KIAA1217: variants seen among roughly 807,000 people sequenced by gnomAD.
KIAA1217 encodes the protein sickle tail protein homolog.
KIAA1217 carries 88 observed loss-of-function variants against 163.9 expected under a neutral mutation model. The ratio of observed to expected loss-of-function variants is 0.54; its 90% CI spans 0.45 to 0.64. The LOEUF (loss-of-function observed/expected upper bound fraction) is 0.64, where lower values mean the gene tolerates loss of function less well. Ranked by LOEUF, KIAA1217 falls within the 30% of genes least tolerant of loss-of-function variation. KIAA1217 has a pLI of 0.00. For synonymous variants in KIAA1217, 903 were observed against 923.1 expected (o/e 0.98, Z 0.39); for missense variants, 2,372 against 2,475.0 (o/e 0.96, Z 0.88).
At chr10:24,226,016 G>A (rs1564857462) in intron 2 of KIAA1217, among the ~76,000 whole-genome samples, 1 of 152,168 alleles carries the variant, frequency 6.6e-6, no homozygotes. Context: ...AGAATTCAAT[G>A]ATTGATTGCA....
intron 2 of KIAA1217, among the ~76,000 whole-genome samples, chr10:24,328,492 GTTTTTATGTTTT>G (rs1454717224): frequency 1.4e-5 from 1 of 70,786 alleles, no homozygotes; most frequent in Non-Finnish European, 2.6e-5. Context: ...GGGGCGATCA[GTTTTTATGTTTT>G]TTTTTTTCAA....
chr10:24,040,661 G>T (rs991445859), intron 2 of KIAA1217, among the ~76,000 whole-genome samples: 10 of 152,138 alleles, frequency 6.6e-5, no homozygotes, highest in South Asian at 2.1e-4. Flanking sequence ...AATATTAAGG[G>T]TTTACTCCCA....
chr10:23,716,689 C>T (rs980832456), intron 1 of KIAA1217, among the ~76,000 whole-genome samples: 3 of 152,126 alleles, frequency 2.0e-5, no homozygotes, highest in African/African-American at 7.2e-5. Context: ...AAAGCTGGTC[C>T]ACCTTACTAG....
At chr10:24,168,468 A>T (rs1443133344) in intron 2 of KIAA1217, among the ~76,000 whole-genome samples, 1 of 152,172 alleles carries the variant, frequency 6.6e-6, no homozygotes, top group African/African-American at 2.4e-5. Flanking sequence ...CCAGCAGAAC[A>T]TTTCCTCTGT....
In KIAA1217 at chr10:24,293,072, T is replaced by A. The variant is rs551743258; in HGVS notation, c.354+73163T>A. On this transcript the variant is annotated intron_variant, in intron 2 of 20. Coordinates refer to ENST00000376454, the MANE Select transcript of KIAA1217 (RefSeq NM_019590.5). The stretch of plus-strand genomic sequence containing the variant: ...TTTGTTTTGTTTCTGAGACAGACTC[T>A]CCCTCTGTCGCCCAGCCAGGAGTAC... Among the ~76,000 whole-genome samples the A allele has an allele frequency of 1.2e-3, 178 of 152,248 alleles. 1 individual carries two copies. The highest frequency in any genetic ancestry group is 4.2e-3 in the African/African-American group (175 of 41,544).
chr10:23,997,361 A>C (rs1846533379), intron 1 of KIAA1217, among the ~76,000 whole-genome samples: 1 of 152,222 alleles, frequency 6.6e-6, no homozygotes, highest in Non-Finnish European at 1.5e-5. Flanking sequence ...TTAATTTTTT[A>C]ATTGCTTGGG....
At chr10:24,116,428 G>A (rs943195316) in intron 2 of KIAA1217, among the ~76,000 whole-genome samples, 11 of 152,098 alleles carry the variant, frequency 7.2e-5, no homozygotes, top group African/African-American at 1.2e-4. Flanking sequence ...CAACTCTGCC[G>A]TTGTGGCAGG....
At chr10:23,854,500 G>A (rs1839538762) in intron 1 of KIAA1217, among the ~76,000 whole-genome samples, 1 of 152,132 alleles carries the variant, frequency 6.6e-6, no homozygotes, top group South Asian at 2.1e-4. Context: ...GTTGATGTGG[G>A]GTGGAGAGTT....
chr10:24,518,697 T>C (rs2086584980), intron 10 of KIAA1217, among the ~76,000 whole-genome samples: 1 of 152,172 alleles, frequency 6.6e-6, no homozygotes, highest in African/African-American at 2.4e-5. Flanking sequence ...AGTTACCATA[T>C]TTATTTAGAG....
Position 23,878,501 on chromosome 10 carries a change from G to A in KIAA1217, c.-320-128724G>A, listed in dbSNP as rs375161034. 3.9e-5 allele frequency among the ~76,000 whole-genome samples: 6 copies of A among 152,018 alleles called. No individual in the cohort carries two copies. In the East Asian group the frequency reaches 7.8e-4, roughly 20 times the overall value. On this transcript the variant is annotated intron_variant, in intron 1 of 18. Transcript: ENST00000376462. ...TTCGAGGTTCTATTTCAGATGGGAA[G>A]CCCTCTTGAGCCTGTATTTTGAGAG...
intron 2 of KIAA1217, among the ~76,000 whole-genome samples, chr10:24,371,002 C>T (rs952980165): frequency 2.0e-5 from 3 of 152,204 alleles, no homozygotes; most frequent in East Asian, 3.9e-4. Context: ...TGGAACTTAC[C>T]GATGATCTAA....
chr10:23,887,245 A>T (rs1841218583), intron 1 of KIAA1217, among the ~76,000 whole-genome samples: 1 of 151,934 alleles, frequency 6.6e-6, no homozygotes, highest in Non-Finnish European at 1.5e-5. Context: ...TTAAAATTTA[A>T]AGCATTATAT....
At chr10:24,309,788 C>T (rs910179709) in intron 2 of KIAA1217, among the ~76,000 whole-genome samples, 5 of 152,092 alleles carry the variant, frequency 3.3e-5, no homozygotes, top group East Asian at 1.9e-4. Context: ...ATCCATCTTG[C>T]GTGCACCCAG....
At chr10:23,704,531 A>G (rs1488704487) in intron 1 of KIAA1217, among the ~76,000 whole-genome samples, 1 of 151,908 alleles carries the variant, frequency 6.6e-6, no homozygotes, top group Non-Finnish European at 1.5e-5. Context: ...GATTTTGGAC[A>G]TTTCATGTAT....
intron 3 of KIAA1217, among the ~76,000 whole-genome samples, chr10:24,402,264 T>A (rs970130170): frequency 2.6e-5 from 4 of 152,100 alleles, no homozygotes; most frequent in African/African-American, 9.7e-5. Context: ...CCCAGCACTT[T>A]GGGAGGCCAA....
chr10:23,875,886 G>T (rs1299608154), intron 1 of KIAA1217, among the ~76,000 whole-genome samples: 4 of 150,774 alleles, frequency 2.7e-5, no homozygotes, highest in African/African-American at 9.8e-5. Context: ...ACTCATAGGT[G>T]GGAGTTAAAC....
At chr10:24,463,680 A>C (rs1202156298) in intron 5 of KIAA1217, among the ~76,000 whole-genome samples, 1 of 152,254 alleles carries the variant, frequency 6.6e-6, no homozygotes, top group Non-Finnish European at 1.5e-5. Flanking sequence ...ATGAATATGA[A>C]AGGGAAAATA....
chr10:24,163,155 C>G (rs2065194212), intron 2 of KIAA1217, among the ~76,000 whole-genome samples: 1 of 152,226 alleles, frequency 6.6e-6, no homozygotes, highest in Non-Finnish European at 1.5e-5. Context: ...GCTAAGAACA[C>G]AGTTGGCCCC....
intron 1 of KIAA1217, among the ~76,000 whole-genome samples, chr10:23,980,728 C>G (rs1045699894): frequency 1.3e-5 from 2 of 152,184 alleles, no homozygotes; most frequent in Admixed American, 1.3e-4. Context: ...ATTGATTCTA[C>G]AGGCGAATCA....
Sources: allele counts gnomAD v4.1 joint callset (sites outside exome capture counted in the v4.1 genomes callset), GRCh38; gene constraint gnomAD v4.1.1; transcripts MANE v1.5; gene names NCBI Gene and HGNC (gene_info 2026-07-23, HGNC 2026-07-21).